Variants in KAZN observed in about 807,000 individuals in gnomAD.
KAZN encodes the protein kazrin, periplakin interacting protein.
Under a neutral mutation model 87.4 loss-of-function variants are expected in KAZN, and 40 were observed. That is an observed-to-expected ratio of 0.46 (90% CI 0.36 to 0.60). The LOEUF (loss-of-function observed/expected upper bound fraction) is 0.60, where lower values mean the gene tolerates loss of function less well. KAZN is among the 20% of genes least tolerant of loss of function. KAZN has a pLI of 0.00. For missense variants in KAZN, 898 were observed against 1,073.9 expected (o/e 0.84, Z 2.29); for synonymous variants, 466 against 458.3 (o/e 1.02, Z -0.22).
At chr1:14,089,847 T>C (rs1226754558) in intron 1 of KAZN, among the ~76,000 whole-genome samples, 1 of 152,200 alleles carries the variant, frequency 6.6e-6, no homozygotes, top group Non-Finnish European at 1.5e-5. Context: ...AGCATTTGCT[T>C]GGCTGAAAAA....
At chr1:14,828,942 C>T (rs74059603) in intron 1 of KAZN, among the ~76,000 whole-genome samples, 20,982 of 152,160 alleles carry the variant, frequency 0.14, 2,761 homozygotes, top group African/African-American at 0.35. Context: ...GGAGATCTCC[C>T]GAGAGACTTC....
chr1:14,282,789 T>A (rs1165686128), intron 2 of KAZN, among the ~76,000 whole-genome samples: 2 of 152,094 alleles, frequency 1.3e-5, no homozygotes, highest in Admixed American at 1.3e-4. Context: ...GTTGGTGAGG[T>A]TGCCTTGACA....
At chr1:14,334,876 CAGAG>C (rs1389135277) in intron 2 of KAZN, among the ~76,000 whole-genome samples, 5 of 151,988 alleles carry the variant, frequency 3.3e-5, no homozygotes, top group African/African-American at 1.2e-4. Flanking sequence ...CAGACAGATG[CAGAG>C]AGAGAGACAA....
chr1:15,098,995 G>C (rs1478734768), intron 10 of KAZN, among the ~76,000 whole-genome samples: 1 of 152,238 alleles, frequency 6.6e-6, no homozygotes, highest in Non-Finnish European at 1.5e-5. Context: ...CTGGTGCAGA[G>C]ATGGGGACTT....
At chr1:14,930,780 G>A (rs74059668) in intron 1 of KAZN, among the ~76,000 whole-genome samples, 11,766 of 152,258 alleles carry the variant, frequency 0.077, 1,407 homozygotes, top group African/African-American at 0.26. Context: ...CTGAGCTGCC[G>A]AGAGTCACAG....
chr1:14,816,905 G>T (rs1429754331), intron 1 of KAZN, among the ~76,000 whole-genome samples: 1 of 152,108 alleles, frequency 6.6e-6, no homozygotes, highest in Non-Finnish European at 1.5e-5. Flanking sequence ...TAACACCAGG[G>T]GACAGAGATC....
At chr1:14,534,532 C>T (rs1235742219) in intron 2 of KAZN, among the ~76,000 whole-genome samples, 1 of 152,112 alleles carries the variant, frequency 6.6e-6, no homozygotes, top group African/African-American at 2.4e-5. Flanking sequence ...GTCATTCCAG[C>T]TACTGGGGAG....
Position 14,905,896 on chromosome 1 carries a change from C to T in KAZN, c.227-54788C>T, listed in dbSNP as rs148851510. Among the ~76,000 whole-genome samples, 283 of 149,526 alleles carry T rather than the reference C, an allele frequency of 1.9e-3. 2 individuals are homozygous for T. Among genetic ancestry groups the T allele is most frequent in the African/African-American group, 6.1e-3 (247 of 40,620 alleles). On this transcript the variant is annotated intron_variant, in intron 1 of 14. Coordinates refer to ENST00000376030, the MANE Select transcript of KAZN (RefSeq NM_201628.3). The stretch of plus-strand genomic sequence containing the variant: ...ATAATGATACAGCACAGGCCGGACA[C>T]GGTGGCTCATGCCTGTAATCACAGC...
At chr1:14,686,740 T>G (rs779560989) in intron 1 of KAZN, among the ~76,000 whole-genome samples, 2 of 152,134 alleles carry the variant, frequency 1.3e-5, no homozygotes, top group African/African-American at 2.4e-5. Flanking sequence ...CCTCTGTACC[T>G]CTGGGACTAC....
intron 2 of KAZN, among the ~76,000 whole-genome samples, chr1:14,292,225 A>G (rs140449376): frequency 6.6e-4 from 101 of 151,974 alleles, no homozygotes; most frequent in Non-Finnish European, 1.4e-3. Flanking sequence ...CAATGAAAGT[A>G]AGCAATATGT....
chr1:13,957,786 T>G (rs1453308380), intron 1 of KAZN, among the ~76,000 whole-genome samples: 1 of 152,128 alleles, frequency 6.6e-6, no homozygotes, highest in Non-Finnish European at 1.5e-5. Flanking sequence ...AATCTATTCA[T>G]GAAAGATCCA....
intron 2 of KAZN, among the ~76,000 whole-genome samples, chr1:14,274,145 G>A (rs962552924): frequency 1.3e-5 from 2 of 152,204 alleles, no homozygotes; most frequent in Non-Finnish European, 2.9e-5. Flanking sequence ...TGGGTTGTGA[G>A]CTACAAACGT....
chr1:14,279,427 C>A (rs1392270677), intron 2 of KAZN, among the ~76,000 whole-genome samples: 1 of 152,204 alleles, frequency 6.6e-6, no homozygotes, highest in Non-Finnish European at 1.5e-5. Context: ...ATCAGAGTCA[C>A]ACGAAGGCAT....
At chr1:14,550,739 C>CGCTCTCT (rs1480745409) in intron 2 of KAZN, among the ~76,000 whole-genome samples, 1 of 69,968 alleles carries the variant, frequency 1.4e-5, no homozygotes, top group Non-Finnish European at 3.3e-5. Context: ...CTCTCTCTCT[C>CGCTCTCT]CCCCACCCCG....
intron 13 of KAZN, among the ~76,000 whole-genome samples, chr1:15,107,631 T>C (rs562399555): frequency 1.3e-5 from 2 of 152,324 alleles, no homozygotes; most frequent in East Asian, 3.9e-4. Flanking sequence ...ATAAAGCAAT[T>C]GGCAAAGGAA....
intron 2 of KAZN, among the ~76,000 whole-genome samples, chr1:14,213,956 G>A (rs1162579349): frequency 6.6e-6 from 1 of 152,214 alleles, no homozygotes; most frequent in Non-Finnish European, 1.5e-5. Context: ...TGGGATGATG[G>A]AGGTGGCCAC....
intron 2 of KAZN, among the ~76,000 whole-genome samples, chr1:14,526,633 G>A (rs1671880483): frequency 6.6e-6 from 1 of 152,138 alleles, no homozygotes; most frequent in South Asian, 2.1e-4. Flanking sequence ...CCCTGCTCTT[G>A]ACTTCAGCCA....
At chr1:14,310,083 A>AG (rs1435119132) in intron 2 of KAZN, among the ~76,000 whole-genome samples, 1 of 152,112 alleles carries the variant, frequency 6.6e-6, no homozygotes, top group Non-Finnish European at 1.5e-5. Flanking sequence ...CGGCAAGGGA[A>AG]AGGCAGGAGT....
intron 4 of KAZN, among the ~76,000 whole-genome samples, chr1:15,055,859 C>T (rs1674898778): frequency 6.6e-6 from 1 of 152,242 alleles, no homozygotes; most frequent in Non-Finnish European, 1.5e-5. Context: ...GCAGGCTCCA[C>T]ACCTCTCCGT....
Sources: gnomAD v4.1 joint callset for allele counts (sites outside exome capture counted in the v4.1 genomes callset) on GRCh38, gnomAD v4.1.1 for gene constraint, MANE v1.5 for transcripts, NCBI Gene and HGNC (gene_info 2026-07-23, HGNC 2026-07-21) for gene names.